BMAL2: variants seen among roughly 807,000 people sequenced by gnomAD.
BMAL2 encodes basic helix-loop-helix ARNT-like protein 2.
chr12:27,404,314 A>T, the BMAL2 span, among the ~76,000 whole-genome samples: 3 of 151,830 alleles, frequency 2.0e-5, no homozygotes, highest in Non-Finnish European at 2.9e-5. Flanking sequence ...ATGCTGTCAG[A>T]TATTAAAATA....
chr12:27,407,856 TAAAG>T, the BMAL2 span, among the ~76,000 whole-genome samples: 3 of 151,288 alleles, frequency 2.0e-5, no homozygotes, highest in East Asian at 1.9e-4. Flanking sequence ...GCAAGACTAA[TAAAG>T]AAGAAAAGAG....
the BMAL2 span, among the ~76,000 whole-genome samples, chr12:27,384,137 C>T: frequency 6.6e-6 from 1 of 152,184 alleles, no homozygotes; most frequent in African/African-American, 2.4e-5. Context: ...CTGAATCATC[C>T]TTGCCCTGGG....
At chr12:27,357,611 C>A in the BMAL2 span, among the ~76,000 whole-genome samples, 2 of 152,214 alleles carry the variant, frequency 1.3e-5, no homozygotes, top group Non-Finnish European at 1.5e-5. Flanking sequence ...TACCTGACTT[C>A]ACACTATACT....
chr12:27,339,615 C>T, the BMAL2 span, among the ~76,000 whole-genome samples: 5 of 151,226 alleles, frequency 3.3e-5, no homozygotes, highest in Non-Finnish European at 7.4e-5. Flanking sequence ...TCACCAGTAT[C>T]TTACTTTTTG....
the BMAL2 span, among the ~76,000 whole-genome samples, chr12:27,343,464 C>A: frequency 6.6e-6 from 1 of 152,170 alleles, no homozygotes; most frequent in Admixed American, 6.5e-5. Flanking sequence ...GCATATCCAA[C>A]ATGCTTGACT....
the BMAL2 span, among the ~76,000 whole-genome samples, chr12:27,337,713 C>T: frequency 1.3e-5 from 2 of 152,166 alleles, no homozygotes; most frequent in Non-Finnish European, 2.9e-5. Context: ...TACTTGTCAG[C>T]TTTGTAAACT....
the BMAL2 span, among the ~76,000 whole-genome samples, chr12:27,393,507 G>A: frequency 2.0e-5 from 3 of 152,194 alleles, no homozygotes; most frequent in Non-Finnish European, 4.4e-5. Flanking sequence ...TTCTCTGAGA[G>A]TGTGAGAAAT....
chr12:27,401,157 C>A, the BMAL2 span: 1 of 925,710 alleles, frequency 1.1e-6, no homozygotes, highest in Admixed American at 1.8e-5. Flanking sequence ...ATCCCCTACC[C>A]TGTGCACTTC....
At chr12:27,353,859 A>G in the BMAL2 span, among the ~76,000 whole-genome samples, 1 of 152,222 alleles carries the variant, frequency 6.6e-6, no homozygotes, top group Non-Finnish European at 1.5e-5. Flanking sequence ...AATCAAAACC[A>G]CAATGAAATC....
the BMAL2 span, among the ~76,000 whole-genome samples, chr12:27,348,805 A>G: frequency 0.043 from 6,512 of 152,316 alleles, 162 homozygotes; most frequent in Non-Finnish European, 0.061. Flanking sequence ...TAAGCTAGGA[A>G]TAAGAACACA....
chr12:27,387,603 G>T, the BMAL2 span, among the ~76,000 whole-genome samples: 1 of 152,252 alleles, frequency 6.6e-6, no homozygotes, highest in Admixed American at 6.5e-5. Context: ...AAGATGTAAA[G>T]ACTAAATGAG....
chr12:27,368,378 C>G, the BMAL2 span: 30 of 1,613,914 alleles, frequency 1.9e-5, no homozygotes, highest in African/African-American at 2.7e-5. Flanking sequence ...AGAGTTTCCA[C>G]GAAAACGCAA....
At chr12:27,411,608 T>C in the BMAL2 span, among the ~76,000 whole-genome samples, 40 of 152,336 alleles carry the variant, frequency 2.6e-4, 1 homozygote, top group Admixed American at 2.3e-3. Flanking sequence ...ATCGACTGCC[T>C]TTTCATGTGC....
the BMAL2 span, among the ~76,000 whole-genome samples, chr12:27,415,499 T>C: frequency 3.1e-4 from 47 of 152,312 alleles, 1 homozygote; most frequent in Admixed American, 2.8e-3. Context: ...AGAATGTTAG[T>C]AAATCTTTCC....
At chr12:27,403,616 A>G in the BMAL2 span, 1 of 873,320 alleles carries the variant, frequency 1.1e-6, no homozygotes, top group Non-Finnish European at 1.8e-6. Flanking sequence ...AAAAATCAGT[A>G]GCCTTCCTAT....
the BMAL2 span, among the ~76,000 whole-genome samples, chr12:27,364,418 A>AT: frequency 2.0e-5 from 3 of 152,144 alleles, no homozygotes; most frequent in Non-Finnish European, 4.4e-5. Flanking sequence ...ATCCCGGACC[A>AT]TTTATTAAAA....
the BMAL2 span, among the ~76,000 whole-genome samples, chr12:27,360,443 G>C: frequency 6.6e-6 from 1 of 152,024 alleles, no homozygotes; most frequent in Non-Finnish European, 1.5e-5. Context: ...AATTATGCTG[G>C]GGTTAAGAAT....
At chr12:27,354,468 A>T in the BMAL2 span, among the ~76,000 whole-genome samples, 1 of 152,148 alleles carries the variant, frequency 6.6e-6, no homozygotes, top group Non-Finnish European at 1.5e-5. Flanking sequence ...CCTATTGGGC[A>T]CTGTGCTCCC....
chr12:27,365,417 G>A, the BMAL2 span, among the ~76,000 whole-genome samples: 1 of 151,968 alleles, frequency 6.6e-6, no homozygotes, highest in African/African-American at 2.4e-5. Flanking sequence ...TTGTGAATGA[G>A]ATTGGCCTGT....
Sources: gnomAD v4.1 joint callset for allele counts (sites outside exome capture counted in the v4.1 genomes callset) on GRCh38, gnomAD v4.1.1 for gene constraint, MANE v1.5 for transcripts, NCBI Gene and HGNC (gene_info 2026-07-23, HGNC 2026-07-21) for gene names.